PISD: variants seen among roughly 807,000 people sequenced by gnomAD.
PISD encodes the protein phosphatidylserine decarboxylase, also known as phosphatidylserine decarboxylase proenzyme, mitochondrial.
Under a neutral mutation model 43.5 loss-of-function variants are expected in PISD, and 31 were observed. That is an observed-to-expected ratio of 0.71 (90% CI 0.54 to 0.96). PISD has a LOEUF of 0.96. Among genes scored for constraint, PISD ranks in the 40% least tolerant of loss-of-function variants. The pLI, the probability that PISD is intolerant of heterozygous loss-of-function variation, is 0.00. For synonymous variants in PISD, 259 were observed against 228.7 expected, an observed-to-expected ratio of 1.13 and a Z score of -1.20; for missense variants, 523 against 548.4, an observed-to-expected ratio of 0.95 and a Z score of 0.46.
intron 3 of PISD, among the ~76,000 whole-genome samples, chr22:31,640,016 C>G (rs2073641963): frequency 6.6e-6 from 1 of 152,158 alleles, no homozygotes; most frequent in Non-Finnish European, 1.5e-5. Flanking sequence ...AAAATCACCT[C>G]TGCCCACTGA....
rs1052114293 is a variant in PISD, at chr22:31,619,148, G to A, written c.*464C>T. 17 of 259,072 alleles carry A rather than the reference G, an allele frequency of 6.6e-5. No homozygotes were observed. Among genetic ancestry groups the A allele is most frequent in the African/African-American group, 3.6e-4 (16 of 44,088 alleles). 16.0% of individuals were successfully genotyped at this position (259,072 alleles called of 1,614,324 possible). ...AAGGCTGTGTGGCTCTGCTGGGGGA[G>A]AGGCATCCACAGTCTGTGCCAAGGA... is the stretch of plus-strand genomic sequence containing the variant. On this transcript the variant is annotated 3_prime_UTR_variant, in exon 8 of 8. Transcript: ENST00000439502.
chr22:31,623,589 T>G, intron 3 of PISD: 1 of 1,251,248 alleles, frequency 8.0e-7, no homozygotes, highest in Non-Finnish European at 1.1e-6. Context: ...GACCTCTGCT[T>G]CTGACAGCTC....
chr22:31,646,903 A>G (rs1270062760), intron 3 of PISD, among the ~76,000 whole-genome samples: 1 of 152,150 alleles, frequency 6.6e-6, no homozygotes, highest in East Asian at 1.9e-4. Context: ...GGTTATTACA[A>G]AGCCCAAGGC....
At position 31,630,915 on chromosome 22, in the gene PISD, G is replaced by T. The variant is rs1445578118; in HGVS notation, c.322-9030C>A. 6.2e-6 allele frequency: 6 copies of T among 961,720 alleles called. No individual in the cohort carries two copies. In the East Asian group the frequency reaches 6.9e-4, roughly 110 times the overall value. 59.6% of individuals were successfully genotyped at this position (961,720 alleles called of 1,614,324 possible). A position where few individuals can be genotyped will look rare whatever the true frequency, so the allele number is the denominator to read the frequency against. ...GCTCCAGCCACTCAGACTACCAGGG[G>T]CGGGGGCAGGAGGCCGACCCCAGCC... On this transcript the variant is annotated intron_variant, in intron 3 of 7. Coordinates refer to ENST00000439502, the MANE Select transcript of PISD (RefSeq NM_001326411.2). The surrounding 1 kb of genome is among the most constrained non-coding windows in gnomAD (Gnocchi z 4.4).
intron 3 of PISD, chr22:31,626,315 G>A (rs544273514): frequency 6.3e-6 from 1 of 157,852 alleles, no homozygotes; most frequent in African/African-American, 2.4e-5. Context: ...GCACAAAGTG[G>A]GAACTTGAGC....
intron 3 of PISD, chr22:31,628,274 C>T: frequency 1.3e-6 from 1 of 772,098 alleles, no homozygotes; most frequent in Non-Finnish European, 1.6e-6. Context: ...GGCCAAGCCA[C>T]TTCCTTGGCC....
upstream of PISD, chr22:31,662,411 C>G: frequency 1.7e-6 from 1 of 589,596 alleles, no homozygotes; most frequent in Non-Finnish European, 3.0e-6. Flanking sequence ...GTAGGTTTCG[C>G]TAAACCTGGG....
chr22:31,640,893 T>G (rs1390301791), intron 3 of PISD, among the ~76,000 whole-genome samples: 1 of 92,098 alleles, frequency 1.1e-5, no homozygotes, highest in South Asian at 4.0e-4. Context: ...TTTTTTTTTT[T>G]TTTTTTTTTT....
rs771741786 is a variant in PISD, at chr22:31,650,700, T to C, written c.144A>G (p.Thr48=). 29 of 1,539,802 alleles carry C rather than the reference T, an allele frequency of 1.9e-5. No individual in the cohort carries two copies. In the African/African-American group the frequency reaches 3.2e-4, roughly 17 times the overall value. Residue 48 remains threonine (T), a splice_region_variant and synonymous_variant, in exon 2 of 8, where the codon ACA becomes ACG. Transcript: ENST00000439502. The stretch of plus-strand genomic sequence containing the variant: ...CCACCATCTCTAATTGCTCCTTACC[T>C]GTGCGAAAGGCTCTAAAAGGCAGCT... The part of the protein sequence containing the change: ...LRKLPFRAFR[T]DARKIHTAPA...
At chr22:31,623,599 C>T (rs891057125) in intron 3 of PISD, 15 of 1,326,726 alleles carry the variant, frequency 1.1e-5, no homozygotes, top group South Asian at 2.8e-5. Flanking sequence ...TCTGACAGCT[C>T]GCCACCACCT....
intron 3 of PISD, chr22:31,623,678 A>G (rs768025970): frequency 3.7e-6 from 6 of 1,612,108 alleles, no homozygotes; most frequent in South Asian, 2.2e-5. Flanking sequence ...GCCTGTGCAC[A>G]CTTACCCTGC....
chr22:31,656,061 A>C (rs1413349882), intron 1 of PISD, among the ~76,000 whole-genome samples: 1 of 150,854 alleles, frequency 6.6e-6, no homozygotes, highest in Non-Finnish European at 1.5e-5. Flanking sequence ...TGAGAGGCTG[A>C]GGCAGGTGGA....
At chr22:31,661,462 C>T (rs1210387585) in intron 1 of PISD, among the ~76,000 whole-genome samples, 1 of 152,146 alleles carries the variant, frequency 6.6e-6, no homozygotes, top group Non-Finnish European at 1.5e-5. Context: ...GCCCTCACGG[C>T]GGGCAGCCTG....
Position 31,630,647 on chromosome 22 carries a change from C to T in PISD, c.322-8762G>A. ...GTCCGCGGGGCTCCTCAGGCCGGGG[C>T]CGCGTCGTCACAGCTGGGAGAGCCC... On this transcript the variant is annotated intron_variant, in intron 3 of 7. Transcript: ENST00000439502. The surrounding 1 kb of genome is among the most constrained non-coding windows in gnomAD (Gnocchi z 4.4). 1.2e-6 allele frequency: 1 copy of T among 857,820 alleles called. No individual in the cohort carries two copies. Among genetic ancestry groups the T allele is most frequent in the Non-Finnish European group, 1.4e-6 (1 of 713,354 alleles). 53.1% of individuals were successfully genotyped at this position (857,820 alleles called of 1,614,324 possible).
chr22:31,637,026 G>T (rs1043515790), intron 3 of PISD, among the ~76,000 whole-genome samples: 1 of 149,694 alleles, frequency 6.7e-6, no homozygotes, highest in African/African-American at 2.5e-5. Context: ...AGTAGCTCAC[G>T]CCTATAATTT....
intron 5 of PISD, 65 bp downstream of exon 5, chr22:31,621,269 C>T (rs2072551545): frequency 6.2e-7 from 1 of 1,610,682 alleles, no homozygotes; most frequent in African/African-American, 1.3e-5. Flanking sequence ...CCCCAGCATT[C>T]CCCTCCCTCC....
intron 1 of PISD, 132 bp downstream of exon 1, chr22:31,662,012 G>A: frequency 2.6e-6 from 2 of 767,132 alleles, no homozygotes; most frequent in Non-Finnish European, 2.2e-6. Flanking sequence ...TCCTAAGCTC[G>A]AGGTGAAGGT....
chr22:31,656,718 G>C (rs370138356), intron 1 of PISD, among the ~76,000 whole-genome samples: 4 of 151,976 alleles, frequency 2.6e-5, no homozygotes, highest in Non-Finnish European at 2.9e-5. Context: ...CATCTTGTCA[G>C]CCTCTCAGAT....
chr22:31,630,750 G>A lies in PISD; in HGVS notation c.322-8865C>T. 2.0e-6 allele frequency: 2 copies of A among 985,560 alleles called. No individual in the cohort carries two copies. Among genetic ancestry groups the A allele is most frequent in the African/African-American group, 1.7e-5 (1 of 57,358 alleles). 61.1% of individuals were successfully genotyped at this position (985,560 alleles called of 1,614,324 possible). A position where few individuals can be genotyped will look rare whatever the true frequency, so the allele number is the denominator to read the frequency against. On this transcript the variant is annotated intron_variant, in intron 3 of 7. Transcript: ENST00000439502. The surrounding 1 kb of genome is among the most constrained non-coding windows in gnomAD (Gnocchi z 4.4). ...AGCGGGCAGGGTGGGGCGCCTCCCT[G>A]AGAAGTCACCTGGGGCTCCCGGCAG...
Sources: allele counts gnomAD v4.1 joint callset (sites outside exome capture counted in the v4.1 genomes callset), GRCh38; gene constraint gnomAD v4.1.1; non-coding constraint Gnocchi (gnomAD v3.1); transcripts MANE v1.5; gene names NCBI Gene and HGNC (gene_info 2026-07-23, HGNC 2026-07-21).